The following TENM1 variants were observed in gnomAD, a reference collection of about 807,000 sequenced individuals.
TENM1 encodes teneurin transmembrane protein 1.
In TENM1, 35 loss-of-function variants were observed where a neutral mutation model predicts 174.8. That is an observed-to-expected ratio of 0.20 (90% CI 0.15 to 0.27). The LOEUF is 0.27. Among genes scored for constraint, TENM1 ranks in the 10% least tolerant of loss-of-function variants. The pLI is 1.00. For synonymous variants in TENM1, 781 were observed against 798.7 expected, an observed-to-expected ratio of 0.98 and a Z score of 0.37; for missense variants, 1,633 against 2,130.1, an observed-to-expected ratio of 0.77 and a Z score of 4.59.
rs188514878 is a variant in TENM1 at position 124,939,162 on chromosome X, T to C, written c.217+24375A>G. 4.5e-3 allele frequency among the ~76,000 whole-genome samples: 510 copies of C among 112,181 alleles called. 4 individuals carry two copies. Among genetic ancestry groups the C allele is most frequent in the Middle Eastern group, 0.018 (4 of 218 alleles). Reference sequence around the variant, plus strand: ...ATAAGAAAGGACATTACAACACCTTTGACTAGGAAATCTTACTCCGCCAAT... The same window carrying C: ...ATAAGAAAGGACATTACAACACCTTCGACTAGGAAATCTTACTCCGCCAAT... On this transcript the variant is annotated intron_variant, in intron 1 of 31. Transcript: ENST00000422452.
At chrX:124,452,929 G>A (rs1416410683) in intron 23 of TENM1, among the ~76,000 whole-genome samples, 5 of 109,090 alleles carry the variant, frequency 4.6e-5, no homozygotes, top group Non-Finnish European at 7.6e-5. Context: ...GTTAATGGGT[G>A]CAGCACACCA....
the TENM1 span, among the ~76,000 whole-genome samples, chrX:125,175,513 T>G: frequency 8.9e-6 from 1 of 111,933 alleles, no homozygotes; most frequent in African/African-American, 3.2e-5. Flanking sequence ...CACTTATTTC[T>G]ATCATAAAAT....
intron 3 of TENM1, among the ~76,000 whole-genome samples, chrX:124,769,032 G>A (rs1162249702): frequency 9.0e-6 from 1 of 111,417 alleles, no homozygotes; most frequent in Non-Finnish European, 1.9e-5. Flanking sequence ...CTGTATTCTA[G>A]GTTATTAAAG....
chrX:125,094,146 C>T, the TENM1 span, among the ~76,000 whole-genome samples: 10 of 112,191 alleles, frequency 8.9e-5, no homozygotes, highest in Non-Finnish European at 1.7e-4. Context: ...TTTGTACCAG[C>T]GTCCCTGAGG....
the TENM1 span, among the ~76,000 whole-genome samples, chrX:125,112,161 T>C: frequency 2.8e-5 from 3 of 108,776 alleles, no homozygotes; most frequent in Non-Finnish European, 5.7e-5. Flanking sequence ...TGTGTGTGTG[T>C]GTGTGTGTGT....
At chrX:125,193,831 G>A in the TENM1 span, among the ~76,000 whole-genome samples, 55 of 111,090 alleles carry the variant, frequency 5.0e-4, no homozygotes, top group Non-Finnish European at 4.0e-4. Context: ...TTAGACTGGA[G>A]TGCCATGGTG....
At chrX:124,972,989 C>T in the TENM1 span, among the ~76,000 whole-genome samples, 1 of 112,034 alleles carries the variant, frequency 8.9e-6, no homozygotes, top group South Asian at 3.8e-4. Flanking sequence ...AAGTCCAGGT[C>T]AAGGGGACAC....
chrX:124,833,493 A>G (rs756467902), intron 3 of TENM1, among the ~76,000 whole-genome samples: 7 of 111,607 alleles, frequency 6.3e-5, no homozygotes, highest in Non-Finnish European at 1.1e-4. Flanking sequence ...CATCCTTGAA[A>G]TCGTTCATTA....
chrX:124,880,427 C>T (rs776356088), intron 3 of TENM1, among the ~76,000 whole-genome samples: 4 of 111,775 alleles, frequency 3.6e-5, no homozygotes, highest in South Asian at 3.7e-4. Context: ...TTTTTGTTGA[C>T]GTCTTAAGGA....
intron 5 of TENM1, among the ~76,000 whole-genome samples, chrX:124,693,250 C>T: frequency 9.0e-6 from 1 of 110,698 alleles, no homozygotes; most frequent in Middle Eastern, 4.6e-3. Context: ...GAGGTAATTC[C>T]AAGGTATTAA....
intron 1 of TENM1, among the ~76,000 whole-genome samples, chrX:124,962,668 C>T (rs183894741): frequency 2.7e-5 from 3 of 110,354 alleles, no homozygotes; most frequent in South Asian, 3.9e-4. Flanking sequence ...AAATACAAAA[C>T]GTAGCTGAGT....
chrX:125,058,894 A>G, the TENM1 span, among the ~76,000 whole-genome samples: 1 of 110,507 alleles, frequency 9.0e-6, no homozygotes, highest in South Asian at 3.8e-4. Context: ...TTCACATGCC[A>G]TCCATTTAAA....
In TENM1 at chrX:124,523,752, A is replaced by G. The variant is rs936882723; in HGVS notation, c.2772-127T>C. On this transcript the variant is annotated intron_variant, in intron 16 of 31. Coordinates refer to ENST00000422452, the Ensembl canonical transcript of TENM1. ...TCAACTATATCCACTTGTATTGTCTATTTTATAAATTCTCTCTAGCAATGT... is the reference window on the plus strand; with the variant it reads ...TCAACTATATCCACTTGTATTGTCTGTTTTATAAATTCTCTCTAGCAATGT... 7.6e-6 allele frequency: 5 copies of G among 657,911 alleles called. No homozygotes were observed. In the African/African-American group the frequency reaches 1.1e-4, roughly 15 times the overall value. The allele number at this position is 657,911 out of a possible 1,213,427, so 54.2% of individuals were successfully genotyped here. A position where few individuals can be genotyped will look rare whatever the true frequency, so the allele number is the denominator to read the frequency against.
At chrX:125,141,451 C>T in the TENM1 span, among the ~76,000 whole-genome samples, 15 of 111,471 alleles carry the variant, frequency 1.3e-4, no homozygotes, top group African/African-American at 4.2e-4. Flanking sequence ...TACATCTTGC[C>T]CCTGCATTCT....
At chrX:125,079,090 C>G in the TENM1 span, among the ~76,000 whole-genome samples, 5 of 111,741 alleles carry the variant, frequency 4.5e-5, no homozygotes, top group Admixed American at 4.8e-4. Context: ...CACAATACTG[C>G]CTCTCATATC....
intron 22 of TENM1, among the ~76,000 whole-genome samples, chrX:124,472,552 ACTT>A (rs1336681604): frequency 9.1e-6 from 1 of 110,057 alleles, no homozygotes; most frequent in South Asian, 3.9e-4. Flanking sequence ...TAAAAAATGA[ACTT>A]CTTTACTCTA....
At chrX:124,645,247 A>G in exon 10 of TENM1, 1 of 1,209,965 alleles carries the variant, frequency 8.3e-7, no homozygotes. Context: ...TTCTTCCGGA[A>G]CGTCACACTC....
At chrX:124,788,498 A>G (rs2055096796) in intron 3 of TENM1, among the ~76,000 whole-genome samples, 1 of 112,423 alleles carries the variant, frequency 8.9e-6, no homozygotes, top group African/African-American at 3.2e-5. Context: ...CCTTCCTCCT[A>G]TGAGCCTGTA....
intron 6 of TENM1, among the ~76,000 whole-genome samples, chrX:124,662,467 A>G (rs2051634253): frequency 9.2e-6 from 1 of 108,436 alleles, no homozygotes; most frequent in East Asian, 2.9e-4. Context: ...AAAAAAAAAA[A>G]AAAAAAAAAG....
Sources: allele counts gnomAD v4.1 joint callset (sites outside exome capture counted in the v4.1 genomes callset), GRCh38; gene constraint gnomAD v4.1.1; transcripts MANE v1.5; gene names NCBI Gene and HGNC (gene_info 2026-07-23, HGNC 2026-07-21).